The following UNC5D variants were observed in gnomAD, a reference collection of about 807,000 sequenced individuals.
UNC5D encodes netrin receptor UNC5D.
In UNC5D, 39 loss-of-function variants were observed where a neutral mutation model predicts 105.4. The observed-to-expected ratio is 0.37, with a 90% confidence interval of 0.29 to 0.48. UNC5D has a LOEUF of 0.48. Among genes scored for constraint, UNC5D ranks in the 20% least tolerant of loss-of-function variants. UNC5D has a pLI of 0.98. For missense variants in UNC5D, 991 were observed against 1,202.4 expected (o/e 0.82, Z 2.60); for synonymous variants, 452 against 450.4 (o/e 1.00, Z -0.04).
intron 4 of UNC5D, among the ~76,000 whole-genome samples, chr8:35,641,366 CAAAAAAAA>C (rs377021599): frequency 9.0e-5 from 4 of 44,292 alleles, no homozygotes; most frequent in African/African-American, 2.5e-4. Context: ...AAAAATAAAG[CAAAAAAAA>C]AAAAAAAAAA....
intron 1 of UNC5D, among the ~76,000 whole-genome samples, chr8:35,496,050 A>G (rs1405403871): frequency 6.6e-6 from 1 of 152,218 alleles, no homozygotes; most frequent in African/African-American, 2.4e-5. Context: ...CGGTTTTAGA[A>G]CAATAATTGT....
At position 35,791,340 on chromosome 8, in the gene UNC5D, G is replaced by C. The variant is rs1803032476; in HGVS notation, c.*777G>C. On this transcript the variant is annotated 3_prime_UTR_variant, in exon 17 of 17. Transcript: ENST00000404895. ...TTGTTTTTTCTAACACAACAAAGTG[G>C]GACCATCTCTATTCCCATCTAAGCC... The C allele has an allele frequency of 6.6e-6, 1 of 152,392 alleles. No homozygotes were observed. The highest frequency in any genetic ancestry group is 2.4e-5 in the African/African-American group (1 of 41,404). 9.4% of individuals were successfully genotyped at this position (152,392 alleles called of 1,614,324 possible).
intron 1 of UNC5D, among the ~76,000 whole-genome samples, chr8:35,341,972 A>T (rs1811486056): frequency 6.6e-6 from 1 of 152,122 alleles, no homozygotes; most frequent in Admixed American, 6.5e-5. Flanking sequence ...CAGTATCAAC[A>T]CCAGTACTGT....
rs146895832 is a variant in UNC5D, at chr8:35,497,787, C to T, written c.104-51505C>T. 3.1e-3 allele frequency among the ~76,000 whole-genome samples: 476 copies of T among 151,750 alleles called. 11 individuals carry two copies. The highest frequency in any genetic ancestry group is 0.03 in the East Asian group (155 of 5,136). On this transcript the variant is annotated intron_variant, in intron 1 of 16. Coordinates refer to ENST00000404895, the MANE Select transcript of UNC5D (RefSeq NM_080872.4). Reference sequence around the variant, plus strand: ...GTGTCCATTGAGATAAGAGGAAAATCGGCTGGGCATGGTGGCTCACACCTG... The same window carrying T: ...GTGTCCATTGAGATAAGAGGAAAATTGGCTGGGCATGGTGGCTCACACCTG...
intron 11 of UNC5D, among the ~76,000 whole-genome samples, chr8:35,738,104 C>G (rs1226770554): frequency 1.3e-5 from 2 of 151,756 alleles, no homozygotes; most frequent in Non-Finnish European, 2.9e-5. Context: ...GAAACTGTCT[C>G]GAAAAGAAAA....
intron 4 of UNC5D, among the ~76,000 whole-genome samples, chr8:35,663,729 A>C (rs1035257246): frequency 1.3e-5 from 2 of 152,018 alleles, no homozygotes; most frequent in East Asian, 1.9e-4. Flanking sequence ...GATGGTAATT[A>C]CTCCCCACAA....
At chr8:35,686,479 T>C in intron 6 of UNC5D, 66 bp from the exon 7 acceptor site, 1 of 1,477,584 alleles carries the variant, frequency 6.8e-7, no homozygotes, top group Non-Finnish European at 9.0e-7. Flanking sequence ...ACAGCAGTCC[T>C]GGGGTGAGTC....
At chr8:35,352,152 G>A (rs562586006) in intron 1 of UNC5D, among the ~76,000 whole-genome samples, 107 of 152,042 alleles carry the variant, frequency 7.0e-4, no homozygotes, top group Admixed American at 4.1e-3. Flanking sequence ...TAAGTAAAGA[G>A]GCTATTAGAT....
chr8:35,696,403 G>C (rs1051713591), intron 7 of UNC5D, among the ~76,000 whole-genome samples: 2 of 145,056 alleles, frequency 1.4e-5, no homozygotes, highest in African/African-American at 2.6e-5. Flanking sequence ...CATTTTATTA[G>C]TTCTGTAAAT....
At chr8:35,699,149 T>C (rs1016534022) in intron 7 of UNC5D, among the ~76,000 whole-genome samples, 1 of 152,160 alleles carries the variant, frequency 6.6e-6, no homozygotes, top group African/African-American at 2.4e-5. Context: ...TAGGAATGGA[T>C]AGACATCACA....
chr8:35,288,314 G>C (rs1024311190), intron 1 of UNC5D, among the ~76,000 whole-genome samples: 5 of 151,926 alleles, frequency 3.3e-5, no homozygotes, highest in Admixed American at 1.3e-4. Flanking sequence ...AGAATACTGG[G>C]GAAAAGAAAG....
At chr8:35,615,317 A>G (rs1820969786) in intron 4 of UNC5D, among the ~76,000 whole-genome samples, 1 of 151,952 alleles carries the variant, frequency 6.6e-6, no homozygotes, top group Admixed American at 6.6e-5. Flanking sequence ...TCTTTCTAAG[A>G]ATGACTCTCT....
intron 3 of UNC5D, among the ~76,000 whole-genome samples, chr8:35,569,261 A>G (rs1194082740): frequency 6.6e-6 from 1 of 152,200 alleles, no homozygotes; most frequent in African/African-American, 2.4e-5. Flanking sequence ...GGATCCCCAT[A>G]AAACCTCTTT....
intron 1 of UNC5D, among the ~76,000 whole-genome samples, chr8:35,471,437 T>C (rs1042955244): frequency 2.0e-5 from 3 of 152,188 alleles, no homozygotes; most frequent in Non-Finnish European, 2.9e-5. Flanking sequence ...GTGAGGTTTT[T>C]TTAATAATTA....
intron 4 of UNC5D, among the ~76,000 whole-genome samples, chr8:35,658,526 A>G (rs1429723776): frequency 6.6e-6 from 1 of 152,146 alleles, no homozygotes; most frequent in Non-Finnish European, 1.5e-5. Context: ...ATGCTGTGTA[A>G]TGATGTTACA....
At chr8:35,451,901 A>G (rs906120718) in intron 1 of UNC5D, among the ~76,000 whole-genome samples, 10 of 152,140 alleles carry the variant, frequency 6.6e-5, no homozygotes, top group African/African-American at 2.4e-4. Flanking sequence ...GGAGGGAGGT[A>G]AATTTAAAGT....
intron 6 of UNC5D, among the ~76,000 whole-genome samples, chr8:35,685,753 C>T (rs113114556): frequency 0.014 from 2,056 of 152,272 alleles, 19 homozygotes; most frequent in Middle Eastern, 0.031. Context: ...GATTGCTCAG[C>T]GGATAAGTTG....
intron 1 of UNC5D, among the ~76,000 whole-genome samples, chr8:35,264,408 C>G (rs982913511): frequency 6.6e-6 from 1 of 151,668 alleles, no homozygotes; most frequent in African/African-American, 2.4e-5. Flanking sequence ...GTGGCTGCAC[C>G]AAGCTTTGGC....
intron 4 of UNC5D, among the ~76,000 whole-genome samples, chr8:35,676,618 C>G (rs1825241193): frequency 6.6e-6 from 1 of 152,166 alleles, no homozygotes. Flanking sequence ...AATTTCTGAA[C>G]TCAGCATACA....
Sources: gnomAD v4.1 joint callset for allele counts (sites outside exome capture counted in the v4.1 genomes callset) on GRCh38, gnomAD v4.1.1 for gene constraint, MANE v1.5 for transcripts, NCBI Gene and HGNC (gene_info 2026-07-23, HGNC 2026-07-21) for gene names.